The following WWP1 variants were observed in gnomAD, a reference collection of about 807,000 sequenced individuals.
WWP1 encodes NEDD4-like E3 ubiquitin-protein ligase WWP1.
WWP1 carries 49 observed loss-of-function variants against 130.6 expected under a neutral mutation model. The observed-to-expected ratio is 0.38, with a 90% CI of 0.30 to 0.48. WWP1 has a LOEUF of 0.48. WWP1 is among the 20% of genes least tolerant of loss of function. The pLI, the probability that WWP1 is intolerant of heterozygous loss-of-function variation, is 0.99. For missense variants in WWP1, 809 were observed against 1,100.6 expected, an observed-to-expected ratio of 0.74 and a Z score of 3.75; for synonymous variants, 332 against 367.8, an observed-to-expected ratio of 0.90 and a Z score of 1.11.
At chr8:86,394,241 C>A (rs1240939813) in intron 5 of WWP1, among the ~76,000 whole-genome samples, 1 of 152,234 alleles carries the variant, frequency 6.6e-6, no homozygotes, top group East Asian at 1.9e-4. Flanking sequence ...GAACAGATTA[C>A]CTAGTTATAT....
chr8:86,451,619 A>G (rs1811184090), intron 20 of WWP1, among the ~76,000 whole-genome samples: 1 of 152,174 alleles, frequency 6.6e-6, no homozygotes, highest in African/African-American at 2.4e-5. Context: ...GGGTTTAGTA[A>G]TTGAAGAAAA....
chr8:86,403,998 A>G (rs1003273503), intron 8 of WWP1, among the ~76,000 whole-genome samples: 5 of 152,244 alleles, frequency 3.3e-5, no homozygotes, highest in Non-Finnish European at 7.3e-5. Flanking sequence ...TAAATTAAGA[A>G]CAGACTAGTT....
rs139783529 is a variant in WWP1, at chr8:86,391,829, C to T, written c.335-6513C>T. 3.7e-4 allele frequency among the ~76,000 whole-genome samples: 56 copies of T among 152,092 alleles called. No homozygotes were observed. The East Asian group carries it at 0.011, about 29-fold the overall frequency. On this transcript the variant is annotated intron_variant, in intron 5 of 24. Transcript: ENST00000517970. ...TCAGGATTCTGTCCTCCCACAGAGA[C>T]AGGGAAACAAAAGCCCTATCCTTCC...
intron 1 of WWP1, among the ~76,000 whole-genome samples, chr8:86,359,342 A>T (rs575437489): frequency 6.6e-6 from 1 of 152,264 alleles, no homozygotes; most frequent in South Asian, 2.1e-4. Context: ...CTAACCATGA[A>T]CTATTAAAAT....
rs1271429608 is a variant in WWP1 at position 86,431,493 on chromosome 8, A to ATG, written c.1472+5_1472+6dup. 6.2e-7 allele frequency: 1 copy of ATG among 1,612,632 alleles called. No individual in the cohort carries two copies. The highest frequency in any genetic ancestry group is 1.1e-5 in the South Asian group (1 of 90,816). Reference sequence around the variant, plus strand: ...TGGGAAGATCCAAGAACTCAAGGGTATGTATATACAGCAGCCTTAAGTCGT... The same window carrying ATG: ...TGGGAAGATCCAAGAACTCAAGGGTATGTGTATATACAGCAGCCTTAAGTCGT... On this transcript the variant is annotated splice_donor_region_variant and intron_variant, in intron 13 of 24. Coordinates refer to ENST00000517970, the MANE Select transcript of WWP1 (RefSeq NM_007013.4).
chr8:86,407,503 C>A (rs1212948164), intron 8 of WWP1, among the ~76,000 whole-genome samples: 1 of 152,108 alleles, frequency 6.6e-6, no homozygotes, highest in Non-Finnish European at 1.5e-5. Context: ...AATATCTTAC[C>A]TTCTCCTAGT....
At chr8:86,384,743 G>A (rs569825891) in intron 5 of WWP1, among the ~76,000 whole-genome samples, 5 of 152,244 alleles carry the variant, frequency 3.3e-5, no homozygotes, top group African/African-American at 1.2e-4. Flanking sequence ...GCTCACACCT[G>A]TAATCCTGGC....
intron 9 of WWP1, among the ~76,000 whole-genome samples, chr8:86,424,230 C>G (rs868278410): frequency 1.2e-4 from 18 of 151,300 alleles, no homozygotes; most frequent in African/African-American, 2.9e-4. Context: ...GAGGCGCTCC[C>G]CACATCTCAG....
At chr8:86,419,147 C>T (rs572324926) in intron 9 of WWP1, among the ~76,000 whole-genome samples, 9 of 152,282 alleles carry the variant, frequency 5.9e-5, no homozygotes, top group South Asian at 2.1e-4. Context: ...GGGCTGGGCG[C>T]GGTGGCTCCC....
chr8:86,423,063 ATTTTTTTTTT>A, intron 9 of WWP1, among the ~76,000 whole-genome samples: 1 of 140,624 alleles, frequency 7.1e-6, no homozygotes, highest in Admixed American at 7.2e-5. Context: ...AGGTTTCTTC[ATTTTTTTTTT>A]TTTTTTGGAA....
chr8:86,454,428 A>T lies in WWP1; in HGVS notation c.2394+1749A>T, dbSNP rs567291134. Among the ~76,000 whole-genome samples, 5 of 152,128 alleles carry T rather than the reference A, an allele frequency of 3.3e-5. No homozygotes were observed. In the South Asian group the frequency reaches 1.0e-3, roughly 31 times the overall value. The stretch of plus-strand genomic sequence containing the variant: ...AACCAGGACTCTGAACCTGACTGAC[A>T]TAGACTGTCACTAATCCTGGTTACC... On this transcript the variant is annotated intron_variant, in intron 21 of 24. Transcript: ENST00000517970.
intron 5 of WWP1, among the ~76,000 whole-genome samples, chr8:86,395,381 A>G (rs927812108): frequency 1.4e-5 from 2 of 146,964 alleles, no homozygotes; most frequent in Non-Finnish European, 3.0e-5. Flanking sequence ...ATTTATGAAA[A>G]ATAGGTAATG....
At chr8:86,458,160 A>T (rs993264406) in intron 22 of WWP1, 135 bp downstream of exon 22, 1 of 665,198 alleles carries the variant, frequency 1.5e-6, no homozygotes, top group Non-Finnish European at 2.5e-6. Context: ...TCTAAATCTA[A>T]GCGAATAGTG....
chr8:86,465,807 G>A (rs917187255), intron 24 of WWP1, among the ~76,000 whole-genome samples: 10 of 152,292 alleles, frequency 6.6e-5, no homozygotes, highest in African/African-American at 2.2e-4. Context: ...GGGGAGGGCA[G>A]TATATGGTCT....
chr8:86,406,744 G>A (rs1253721031), intron 8 of WWP1, among the ~76,000 whole-genome samples: 1 of 152,098 alleles, frequency 6.6e-6, no homozygotes, highest in Non-Finnish European at 1.5e-5. Flanking sequence ...CAGAACTGTA[G>A]CATCACCAGA....
intron 18 of WWP1, among the ~76,000 whole-genome samples, chr8:86,444,027 G>A (rs1433426091): frequency 5.3e-5 from 8 of 152,164 alleles, no homozygotes; most frequent in Admixed American, 5.2e-4. Context: ...CTTGCTTTAC[G>A]AGTATGTAGA....
chr8:86,386,751 G>A (rs1825310046), intron 5 of WWP1: 2 of 152,112 alleles, frequency 1.3e-5, no homozygotes, highest in African/African-American at 4.8e-5. Flanking sequence ...TTTTTCCGTA[G>A]ATACTGTCTT....
chr8:86,378,525 A>G (rs1483150395), intron 3 of WWP1, among the ~76,000 whole-genome samples: 1 of 152,122 alleles, frequency 6.6e-6, no homozygotes, highest in African/African-American at 2.4e-5. Flanking sequence ...CTTAGAGTGG[A>G]GGACATTCTG....
intron 11 of WWP1, among the ~76,000 whole-genome samples, chr8:86,429,394 T>C (rs953027573): frequency 3.3e-5 from 5 of 152,146 alleles, no homozygotes; most frequent in Non-Finnish European, 4.4e-5. Context: ...GGAAGATAAA[T>C]ATTGAGTATA....
Sources: gnomAD v4.1 joint callset for allele counts (sites outside exome capture counted in the v4.1 genomes callset) on GRCh38, gnomAD v4.1.1 for gene constraint, MANE v1.5 for transcripts, NCBI Gene and HGNC (gene_info 2026-07-23, HGNC 2026-07-21) for gene names.